The following ITGB3BP variants were observed in gnomAD, a reference collection of about 807,000 sequenced individuals.
The protein encoded by ITGB3BP is centromere protein R.
Under a neutral mutation model 29.1 loss-of-function variants are expected in ITGB3BP, and 27 were observed. That is an observed-to-expected ratio of 0.93 (90% confidence interval 0.68 to 1.28). The LOEUF (loss-of-function observed/expected upper bound fraction) is 1.28, where lower values mean the gene tolerates loss of function less well. Among genes scored for constraint, ITGB3BP ranks in the 50% most tolerant of loss-of-function variants. The probability of loss-of-function intolerance (pLI) is 0.00; values close to 1 mark genes in which losing one functional copy is unlikely to be tolerated. For missense variants in ITGB3BP, 192 were observed against 200.2 expected, an observed-to-expected ratio of 0.96 and a Z score of 0.25; for synonymous variants, 61 against 61.4, an observed-to-expected ratio of 0.99 and a Z score of 0.03.
chr1:63,469,682 C>T (rs1645162585), intron 4 of ITGB3BP, among the ~76,000 whole-genome samples: 3 of 152,210 alleles, frequency 2.0e-5, no homozygotes, highest in African/African-American at 7.2e-5. Flanking sequence ...ATACAAATGT[C>T]CTATAGAACA....
intron 4 of ITGB3BP, among the ~76,000 whole-genome samples, chr1:63,466,593 C>CATAT: frequency 1.3e-5 from 2 of 152,280 alleles, no homozygotes; most frequent in South Asian, 4.1e-4. Flanking sequence ...CCTATTATAC[C>CATAT]ACACAGCATG....
chr1:63,469,307 A>T (rs954628975), intron 4 of ITGB3BP, among the ~76,000 whole-genome samples: 21 of 151,730 alleles, frequency 1.4e-4, no homozygotes, highest in Admixed American at 7.2e-4. Flanking sequence ...TACCTACTTG[A>T]CCATAAATTA....
intron 2 of ITGB3BP, among the ~76,000 whole-genome samples, chr1:63,493,406 TTC>T (rs1345622020): frequency 6.7e-6 from 1 of 149,346 alleles, no homozygotes; most frequent in Non-Finnish European, 1.5e-5. Context: ...CACAGGGAGA[TTC>T]TGTCTCAAAA....
intron 2 of ITGB3BP, among the ~76,000 whole-genome samples, chr1:63,507,940 A>G (rs1250162716): frequency 6.6e-6 from 1 of 152,192 alleles, no homozygotes; most frequent in Non-Finnish European, 1.5e-5. Context: ...TGGTATGAAA[A>G]GATAATAAAC....
chr1:63,501,269 G>A (rs927429371), intron 2 of ITGB3BP, among the ~76,000 whole-genome samples: 1 of 152,114 alleles, frequency 6.6e-6, no homozygotes, highest in African/African-American at 2.4e-5. Context: ...GTGTTTCCAT[G>A]GGTTACATGT....
At chr1:63,488,734 G>A (rs190576574) in intron 3 of ITGB3BP, among the ~76,000 whole-genome samples, 3 of 151,996 alleles carry the variant, frequency 2.0e-5, no homozygotes, top group Admixed American at 6.6e-5. Flanking sequence ...TATGAAACAT[G>A]TATGTGCAGT....
At chr1:63,493,876 T>C (rs1375404559) in intron 2 of ITGB3BP, among the ~76,000 whole-genome samples, 1 of 152,246 alleles carries the variant, frequency 6.6e-6, no homozygotes, top group Non-Finnish European at 1.5e-5. Context: ...TATTTTGAAC[T>C]GTCAGCCTAT....
At position 63,441,038 on chromosome 1, in the gene ITGB3BP, T is replaced by A. The variant is rs966036883; in HGVS notation, c.*67A>T. On this transcript the variant is annotated 3_prime_UTR_variant, in exon 9 of 9. Coordinates refer to ENST00000271002, the MANE Select transcript of ITGB3BP (RefSeq NM_014288.5). ...AGATTAATTACAAATATTTCTCTGT[T>A]CCTTTAAATATGATCAGGCAGATGC... is the stretch of plus-strand genomic sequence containing the variant. 1 of 152,666 alleles carries A rather than the reference T, an allele frequency of 6.6e-6. No individual in the cohort carries two copies. The highest frequency in any genetic ancestry group is 2.4e-5 in the African/African-American group (1 of 41,458). 9.5% of individuals were successfully genotyped at this position (152,666 alleles called of 1,614,324 possible).
At chr1:63,458,186 C>G (rs779441615) in intron 4 of ITGB3BP, 1 of 152,132 alleles carries the variant, frequency 6.6e-6, no homozygotes, top group Admixed American at 6.6e-5. Flanking sequence ...CTTCCTTCTA[C>G]ATTAACTTCT....
At chr1:63,519,865 C>G (rs1646411193) in intron 1 of ITGB3BP, among the ~76,000 whole-genome samples, 1 of 152,080 alleles carries the variant, frequency 6.6e-6, no homozygotes, top group African/African-American at 2.4e-5. Context: ...AAAGTTCTCT[C>G]AGAAAACTCT....
intron 4 of ITGB3BP, among the ~76,000 whole-genome samples, chr1:63,473,385 G>A (rs1645249225): frequency 6.7e-6 from 1 of 148,724 alleles, no homozygotes; most frequent in Non-Finnish European, 1.5e-5. Context: ...GCCCCGTCCG[G>A]GAGGTGAGGG....
chr1:63,478,799 A>G lies in ITGB3BP; in HGVS notation c.219T>C (p.Thr73=). Residue 73 remains threonine, a synonymous_variant, in exon 4 of 9, where the codon ACT becomes ACC. Transcript: ENST00000271002. ...KRKKLNHPSL[T]ESKESTTKDN... is the part of the protein sequence containing the mutation. ...CTTTTGTTGTAGATTCTTTGCTTTC[A>G]GTTAAACTGGGGTGATTCAATTTTT... 1 of 1,463,494 alleles carries G rather than the reference A, an allele frequency of 6.8e-7. No homozygotes were observed. The highest frequency in any genetic ancestry group is 9.2e-7 in the Non-Finnish European group (1 of 1,081,354). The allele number at this position is 1,463,494 out of a possible 1,614,324, so 90.7% of individuals were successfully genotyped here.
At chr1:63,448,231 A>G (rs969583489) in intron 7 of ITGB3BP, among the ~76,000 whole-genome samples, 33 of 148,644 alleles carry the variant, frequency 2.2e-4, no homozygotes, top group Admixed American at 1.9e-3. Flanking sequence ...CTAATGCTAA[A>G]TGACGAGTTA....
intron 2 of ITGB3BP, among the ~76,000 whole-genome samples, chr1:63,490,726 C>T (rs1274193131): frequency 6.6e-6 from 1 of 152,114 alleles, no homozygotes; most frequent in Non-Finnish European, 1.5e-5. Context: ...GCATTTAAGG[C>T]CTTTGAGGAT....
chr1:63,448,755 ACTGT>A lies in ITGB3BP; in HGVS notation c.485-1903_485-1900del, dbSNP rs1644823146. Among the ~76,000 whole-genome samples the A allele has an allele frequency of 2.0e-5, 3 of 152,268 alleles. No homozygotes were observed. In the South Asian group the frequency reaches 6.2e-4, roughly 32 times the overall value. On this transcript the variant is annotated intron_variant, in intron 7 of 8. Coordinates refer to ENST00000271002, the MANE Select transcript of ITGB3BP (RefSeq NM_014288.5). ...AAGAATAGTCTTCAGTCTATTCATT[ACTGT>A]CTTTTTACAGTATTTTTATTTAATA...
intron 4 of ITGB3BP, among the ~76,000 whole-genome samples, chr1:63,466,121 C>G (rs1645095712): frequency 6.6e-6 from 1 of 152,186 alleles, no homozygotes; most frequent in South Asian, 2.1e-4. Context: ...TAATATGTAT[C>G]TACTATCCAT....
chr1:63,462,927 T>A (rs1476575922), intron 4 of ITGB3BP, among the ~76,000 whole-genome samples: 1 of 152,208 alleles, frequency 6.6e-6, no homozygotes, highest in Non-Finnish European at 1.5e-5. Context: ...AAGTTACTCT[T>A]CTGCCTGTAA....
upstream of ITGB3BP, chr1:63,523,264 G>T (rs1646506270): frequency 3.1e-6 from 4 of 1,271,200 alleles, no homozygotes; most frequent in African/African-American, 4.4e-5. Context: ...GCCCACCGCG[G>T]CCGGGCGGAA....
At chr1:63,444,412 G>T (rs750740749) in intron 8 of ITGB3BP, among the ~76,000 whole-genome samples, 1 of 148,626 alleles carries the variant, frequency 6.7e-6, no homozygotes, top group East Asian at 2.0e-4. Flanking sequence ...GAATATAAGT[G>T]TATGTGGATG....
Sources: gnomAD v4.1 joint callset for allele counts (sites outside exome capture counted in the v4.1 genomes callset) on GRCh38, gnomAD v4.1.1 for gene constraint, MANE v1.5 for transcripts, NCBI Gene and HGNC (gene_info 2026-07-23, HGNC 2026-07-21) for gene names.